ARHGEF1: variants seen among roughly 807,000 people sequenced by gnomAD.
The protein encoded by ARHGEF1 is 115 kDa guanine nucleotide exchange factor.
ARHGEF1 carries 40 observed loss-of-function variants against 119.7 expected under a neutral mutation model. The observed-to-expected ratio is 0.33, with a 90% CI of 0.26 to 0.44. The LOEUF is 0.44. Ranked by LOEUF, ARHGEF1 falls within the 20% of genes least tolerant of loss-of-function variation. ARHGEF1 has a pLI of 1.00. For missense variants in ARHGEF1, 976 were observed against 1,268.3 expected (o/e 0.77, Z 3.50); for synonymous variants, 494 against 521.0 (o/e 0.95, Z 0.71).
rs1420969417 is a variant in ARHGEF1, at chr19:41,915,277, C to A, written c.1866-7815C>A. ...TCCGGGCCCTGCTCCCACGCTCCCC[C>A]CGCCGTGTCTCACACGCGTCTCTGC... On this transcript the variant is annotated intron_variant, in intron 18 of 20. Transcript: ENST00000599589. Among the ~76,000 whole-genome samples the A allele has an allele frequency of 3.3e-5, 5 of 151,482 alleles. No homozygotes were observed. The South Asian group carries it at 1.1e-3, about 32-fold the overall frequency.
Position 41,906,836 on chromosome 19 carries a change from C to T in ARHGEF1, c.*17+33C>T, listed in dbSNP as rs782384173. 3 of 1,532,302 alleles carry T rather than the reference C, an allele frequency of 2.0e-6. No individual in the cohort carries two copies. Among genetic ancestry groups the T allele is most frequent in the Non-Finnish European group, 2.7e-6 (3 of 1,129,962 alleles). 94.9% of individuals were successfully genotyped at this position (1,532,302 alleles called of 1,614,324 possible). A position where few individuals can be genotyped will look rare whatever the true frequency, so the allele number is the denominator to read the frequency against. ...GGGCACCTGGGGGCCAGGGCGCTGT[C>T]CTGAAAGGAGGGTCCCCCTCCAGAG... On this transcript the variant is annotated intron_variant, in intron 28 of 28. Coordinates refer to ENST00000354532, the MANE Select transcript of ARHGEF1 (RefSeq NM_004706.4). The surrounding 1 kb of genome is among the most constrained non-coding windows in gnomAD (Gnocchi z 4.5).
upstream of ARHGEF1, among the ~76,000 whole-genome samples, chr19:41,922,783 G>A (rs1251230521): frequency 2.6e-5 from 4 of 152,206 alleles, no homozygotes; most frequent in Non-Finnish European, 5.9e-5. Flanking sequence ...CTAATTCAGC[G>A]CCATCGATCA....
chr19:41,915,292 C>T (rs1466916873), intron 18 of ARHGEF1, among the ~76,000 whole-genome samples: 1 of 151,506 alleles, frequency 6.6e-6, no homozygotes, highest in African/African-American at 2.4e-5. Context: ...GTGTCTCACA[C>T]GCGTCTCTGC....
intron 13 of ARHGEF1, chr19:41,897,333 GC>G: frequency 7.9e-7 from 1 of 1,265,814 alleles, no homozygotes; most frequent in Non-Finnish European, 1.0e-6. Context: ...AGAGGTGGGT[GC>G]CTGGGCCCTG....
chr19:41,909,592 G>A (rs1295629225), downstream of ARHGEF1: 3 of 867,356 alleles, frequency 3.5e-6, no homozygotes, highest in African/African-American at 5.2e-5. The surrounding 1 kb of genome is among the most constrained non-coding windows in gnomAD (Gnocchi z 5.2). Flanking sequence ...TGGGGAAACT[G>A]AGGCTCACAG....
In ARHGEF1 at chr19:41,904,296, C is replaced by T. The variant is rs1439932422; in HGVS notation, c.2074C>T (p.Arg692Trp). Residue 692 changes from arginine to tryptophan, a missense_variant, in exon 22 of 29, where the codon CGG becomes TGG. By Grantham distance (101) the Arg-to-Trp change is moderately radical (BLOSUM62 -3). Coordinates refer to ENST00000354532, the MANE Select transcript of ARHGEF1 (RefSeq NM_004706.4). The surrounding 1 kb of genome is among the most constrained non-coding windows in gnomAD (Gnocchi z 8.4). ...DERLLLKSHS[R>W]TLTPTPDGKT... ...GCGGCTGCTGCTCAAGTCCCATAGCCGGACACTGACGCCCACGCCCGATGG... is the reference window on the plus strand; with the variant it reads ...GCGGCTGCTGCTCAAGTCCCATAGCTGGACACTGACGCCCACGCCCGATGG... 1.2e-6 allele frequency: 2 copies of T among 1,611,654 alleles called. No homozygotes were observed. Among genetic ancestry groups the T allele is most frequent in the Non-Finnish European group, 1.7e-6 (2 of 1,179,636 alleles).
At chr19:41,913,629 C>G (rs1190436591) in intron 18 of ARHGEF1, among the ~76,000 whole-genome samples, 8 of 151,666 alleles carry the variant, frequency 5.3e-5, no homozygotes, top group African/African-American at 1.7e-4. Context: ...AGACCCCTGT[C>G]ACTTGGATCT....
chr19:41,915,017 G>A (rs1359855060), intron 18 of ARHGEF1, among the ~76,000 whole-genome samples: 5 of 53,926 alleles, frequency 9.3e-5, no homozygotes, highest in Non-Finnish European at 1.5e-4. Context: ...TGCCCCCACC[G>A]TGTCCCTGTC....
chr19:41,891,963 A>T, intron 4 of ARHGEF1, 62 bp from the exon 5 acceptor site: 1 of 1,422,098 alleles, frequency 7.0e-7, no homozygotes, highest in East Asian at 2.3e-5. Context: ...CCCTTTTCAA[A>T]GGGAGAGTGT....
In ARHGEF1 at chr19:41,907,361, GCCACCCCT is replaced by G; in HGVS notation, c.*282_*289del. The G allele has an allele frequency of 6.5e-7, 1 of 1,534,436 alleles. No homozygotes were observed. The highest frequency in any genetic ancestry group is 8.7e-7 in the Non-Finnish European group (1 of 1,146,334). ...GGCCATCTCAGTATTGCCTGTGGGGGCCACCCCTCCACCCCCACCCCCAAGTGCCTTCG... is the reference window on the plus strand; with the variant it reads ...GGCCATCTCAGTATTGCCTGTGGGGGCCACCCCCACCCCCAAGTGCCTTCG... On this transcript the variant is annotated 3_prime_UTR_variant, in exon 29 of 29. Coordinates refer to ENST00000354532, the MANE Select transcript of ARHGEF1 (RefSeq NM_004706.4).
chr19:41,907,020 C>A, intron 28 of ARHGEF1, 85 bp from the exon 29 acceptor site: 1 of 1,295,122 alleles, frequency 7.7e-7, no homozygotes. Context: ...TCTCTCTCTG[C>A]TCTCCCTGTC....
At position 41,902,936 on chromosome 19, in the gene ARHGEF1, CTT is replaced by C. The variant is rs368741474; in HGVS notation, c.1738+47_1738+48del. 11 of 1,267,682 alleles carry C rather than the reference CTT, an allele frequency of 8.7e-6. No individual in the cohort carries two copies. Among genetic ancestry groups the C allele is most frequent in the South Asian group, 1.5e-5 (1 of 67,216 alleles). 78.5% of individuals were successfully genotyped at this position (1,267,682 alleles called of 1,614,324 possible). A position where few individuals can be genotyped will look rare whatever the true frequency, so the allele number is the denominator to read the frequency against. On this transcript the variant is annotated intron_variant, in intron 18 of 28. Coordinates refer to ENST00000354532, the MANE Select transcript of ARHGEF1 (RefSeq NM_004706.4). This position sits in a 1 kb window ranked among gnomAD's most constrained non-coding sequence, Gnocchi z 6.5. The stretch of plus-strand genomic sequence containing the variant: ...TGGATCTCTGGGCCTCGGCTCTCCT[CTT>C]TTTTTTTTACATTTTTTTTCTCACT...
intron 13 of ARHGEF1, 134 bp from the exon 14 acceptor site, chr19:41,898,308 C>G: frequency 7.1e-7 from 1 of 1,400,264 alleles, no homozygotes; most frequent in Non-Finnish European, 9.6e-7. Context: ...GATCTAGAGA[C>G]CTGGTCTGCT....
At chr19:41,885,252 C>G (rs2074276276) in intron 1 of ARHGEF1, among the ~76,000 whole-genome samples, 1 of 152,172 alleles carries the variant, frequency 6.6e-6, no homozygotes. Flanking sequence ...TCGCCTCCAT[C>G]ATCTCCAACC....
At position 41,917,855 on chromosome 19, in the gene ARHGEF1, G is replaced by A. The variant is rs1309476364; in HGVS notation, c.1866-5237G>A. 6.6e-6 allele frequency among the ~76,000 whole-genome samples: 1 copy of A among 151,834 alleles called. No individual in the cohort carries two copies. The highest frequency in any genetic ancestry group is 1.9e-4 in the East Asian group (1 of 5,152). ...CGGCTGCCAGCCCCACCCATCTGTTGCCACACAAACGAGCCCCCAACACCC... is the reference window on the plus strand; with the variant it reads ...CGGCTGCCAGCCCCACCCATCTGTTACCACACAAACGAGCCCCCAACACCC... On this transcript the variant is annotated intron_variant, in intron 18 of 20. Coordinates refer to the ARHGEF1 transcript ENST00000599589. The surrounding 1 kb of genome is among the most constrained non-coding windows in gnomAD (Gnocchi z 4.8).
chr19:41,903,604 C>T lies in ARHGEF1; in HGVS notation c.1840-103C>T. On this transcript the variant is annotated intron_variant, in intron 19 of 28. Transcript: ENST00000354532. The surrounding 1 kb of genome is among the most constrained non-coding windows in gnomAD (Gnocchi z 4.2). ...AGGTCAGGCCCAACCCTCAGCTTGC[C>T]CGCATCAGAAGTTGGTCTTGGCTCT... is the stretch of plus-strand genomic sequence containing the variant. 2 of 1,308,060 alleles carry T rather than the reference C, an allele frequency of 1.5e-6. No individual in the cohort carries two copies. Among genetic ancestry groups the T allele is most frequent in the Non-Finnish European group, 2.2e-6 (2 of 929,124 alleles). The allele number at this position is 1,308,060 out of a possible 1,614,324, so 81.0% of individuals were successfully genotyped here.
In ARHGEF1 at chr19:41,894,494, A is replaced by G. The variant is rs782178445; in HGVS notation, c.788A>G (p.Lys263Arg). Reference protein sequence around the residue: ...RRSDEPAKTKKGLSSILDAAR... With the variant: ...RRSDEPAKTKRGLSSILDAAR... ...TCGGACGAGCCTGCCAAGACCAAGAAGGGGCTGAGCAGCATCCTGGATGCC... is the reference window on the plus strand; with the variant it reads ...TCGGACGAGCCTGCCAAGACCAAGAGGGGGCTGAGCAGCATCCTGGATGCC... Residue 263 changes from lysine (K) to arginine (R), a missense_variant, in exon 10 of 29, where the codon AAG (lysine) becomes AGG (arginine). By Grantham distance (26) the Lys-to-Arg change is conservative. Around this residue, in one of 3 missense-constraint regions of ARHGEF1, gnomAD observed 519 missense variants for 580.9 expected, o/e 0.89. Coordinates refer to ENST00000354532, the MANE Select transcript of ARHGEF1 (RefSeq NM_004706.4). 6.3e-7 allele frequency: 1 copy of G among 1,595,432 alleles called. No homozygotes were observed. The highest frequency in any genetic ancestry group is 8.6e-7 in the Non-Finnish European group (1 of 1,169,048).
chr19:41,887,431 T>A (rs1307547833), intron 1 of ARHGEF1, among the ~76,000 whole-genome samples: 1 of 151,920 alleles, frequency 6.6e-6, no homozygotes, highest in Non-Finnish European at 1.5e-5. Flanking sequence ...ACTGGAAGCC[T>A]GGGAAGAGAT....
intron 13 of ARHGEF1, chr19:41,897,251 G>T (rs781957429): frequency 1.6e-6 from 2 of 1,279,244 alleles, no homozygotes; most frequent in Non-Finnish European, 2.0e-6. Context: ...CCTTTGGTGG[G>T]TGCGGGGAGG....
Sources: gnomAD v4.1 joint callset for allele counts (sites outside exome capture counted in the v4.1 genomes callset) on GRCh38, gnomAD v4.1.1 for gene constraint, gnomAD v4.1.1 regional missense constraint, Gnocchi (gnomAD v3.1) non-coding constraint, MANE v1.5 for transcripts, NCBI Gene and HGNC (gene_info 2026-07-23, HGNC 2026-07-21) for gene names.